Variants in SIRT3 observed in about 807,000 individuals in gnomAD.
SIRT3 encodes NAD-dependent protein deacetylase sirtuin-3, mitochondrial.
A neutral mutation model predicts 33.5 loss-of-function variants in SIRT3; 26 were observed. That is an observed-to-expected ratio of 0.78 (90% CI 0.57 to 1.08). The LOEUF is 1.08. SIRT3 is among the 50% of genes least tolerant of loss of function. SIRT3 has a pLI of 0.00. For missense variants in SIRT3, 585 were observed against 530.1 expected (o/e 1.10, Z -1.02); for synonymous variants, 237 against 222.1 (o/e 1.07, Z -0.60).
intron 4 of SIRT3, among the ~76,000 whole-genome samples, chr11:228,762 T>C (rs1857501270): frequency 6.7e-6 from 1 of 150,308 alleles, no homozygotes; most frequent in East Asian, 1.9e-4. Context: ...TCAAAACTTC[T>C]ATGCATCAAA....
chr11:236,008 C>T (rs745647025), intron 1 of SIRT3, 40 bp downstream of exon 1: 16 of 1,427,608 alleles, frequency 1.1e-5, no homozygotes, highest in Non-Finnish European at 1.3e-5. Context: ...GAGGTGTCGA[C>T]AACGAACACG....
intron 4 of SIRT3, 49 bp downstream of exon 4, chr11:230,403 C>A: frequency 8.9e-7 from 1 of 1,129,784 alleles, no homozygotes; most frequent in South Asian, 2.4e-5. Flanking sequence ...TTTTCCAGAT[C>A]ACCCCAACAG....
intron 4 of SIRT3, among the ~76,000 whole-genome samples, 186 bp from the exon 5 acceptor site, chr11:224,425 G>A (rs193267309): frequency 2.6e-5 from 4 of 152,314 alleles, no homozygotes; most frequent in Admixed American, 1.3e-4. Context: ...ACAGCCCTCC[G>A]GAATCTGGGA....
chr11:229,471 A>G (rs949903475), intron 4 of SIRT3, among the ~76,000 whole-genome samples: 1 of 151,556 alleles, frequency 6.6e-6, no homozygotes, highest in South Asian at 2.1e-4. Flanking sequence ...AAAGTTAAAC[A>G]TGGGCAGGGC....
intron 4 of SIRT3, among the ~76,000 whole-genome samples, chr11:226,336 C>T (rs1412966596): frequency 1.3e-5 from 2 of 152,094 alleles, no homozygotes; most frequent in Admixed American, 1.3e-4. Flanking sequence ...ACTCAAGCTT[C>T]CAAGGTTTCT....
At chr11:233,242 G>C in intron 2 of SIRT3, 27 bp from the exon 3 acceptor site, 1 of 1,608,350 alleles carries the variant, frequency 6.2e-7, no homozygotes, top group Non-Finnish European at 8.5e-7. Flanking sequence ...AAGGCTCTGA[G>C]GCCTTTGGAA....
At chr11:236,380 G>GCCCGCGGCGCCCCT, upstream of SIRT3, 2 of 1,046,198 alleles carry the variant, frequency 1.9e-6, no homozygotes, top group Non-Finnish European at 2.3e-6. Flanking sequence ...CCGGCGCCCC[G>GCCCGCGGCGCCCCT]GCCCCGCCTC....
rs1208852577 is a variant in SIRT3, at chr11:215,927, G to C, written c.*771C>G. ...GCGTAGTGTGGGGACAAGGAGGCCA[G>C]ATAGAAAGTGCTGGAATGTTCTGGA... is the stretch of plus-strand genomic sequence containing the variant. On this transcript the variant is annotated 3_prime_UTR_variant, in exon 7 of 7. Transcript: ENST00000382743. 6.6e-6 allele frequency: 1 copy of C among 152,356 alleles called. No homozygotes were observed. The highest frequency in any genetic ancestry group is 6.5e-5 in the Admixed American group (1 of 15,276). The allele number at this position is 152,356 out of a possible 1,614,324, so 9.4% of individuals were successfully genotyped here.
At chr11:235,975 C>A in intron 1 of SIRT3, 73 bp downstream of exon 1, 1 of 1,393,544 alleles carries the variant, frequency 7.2e-7, no homozygotes. Context: ...AAAGGAAACA[C>A]GGCAAGGTGA....
intron 1 of SIRT3, chr11:233,775 C>T: frequency 2.0e-6 from 1 of 492,890 alleles, no homozygotes; most frequent in East Asian, 3.5e-5. Flanking sequence ...GGGAACTGTG[C>T]TCATTTCATA....
At chr11:234,832 A>G (rs2133953222) in intron 1 of SIRT3, among the ~76,000 whole-genome samples, 1 of 152,242 alleles carries the variant, frequency 6.6e-6, no homozygotes, top group South Asian at 2.1e-4. Flanking sequence ...CTGGCACAGA[A>G]TAAGAGCTCA....
At chr11:236,357 A>T (rs202236224), upstream of SIRT3, 91 of 1,173,914 alleles carry the variant, frequency 7.8e-5, no homozygotes, top group Non-Finnish European at 9.2e-5. Context: ...AGTCCTCCGG[A>T]CTCGCCCCGC....
chr11:232,985 C>T lies in SIRT3; in HGVS notation c.704G>A (p.Arg235Lys), dbSNP rs200625315. The change falls in exon 3 of 7, where the codon AGA (arginine) becomes AAA (lysine). Residue 235 changes from arginine (R) to lysine (K), a missense_variant and splice_region_variant. By Grantham distance (26) the Arg-to-Lys change is conservative. Transcript: ENST00000382743. ...TGTGCGACTCACAGAGGGCTCACCT[C>T]TCTCAAGCCCATCGATGTTCTGCGT... Reference protein sequence around the residue: ...LYTQNIDGLERVSGIPASKLV... With the variant: ...LYTQNIDGLEKVSGIPASKLV... 93 of 1,613,968 alleles carry T rather than the reference C, an allele frequency of 5.8e-5. No homozygotes were observed. In the East Asian group the frequency reaches 2.0e-3, roughly 36 times the overall value.
intron 3 of SIRT3, among the ~76,000 whole-genome samples, chr11:231,016 C>T (rs1183244542): frequency 1.3e-5 from 2 of 150,682 alleles, no homozygotes; most frequent in Non-Finnish European, 2.9e-5. Context: ...GCCAGCTACT[C>T]GGGGAGGCTG....
intron 4 of SIRT3, among the ~76,000 whole-genome samples, chr11:224,891 T>C (rs1856948351): frequency 5.9e-5 from 9 of 151,954 alleles, no homozygotes; most frequent in Admixed American, 5.9e-4. Context: ...CCTGACTTTC[T>C]AAGGTAAACC....
upstream of SIRT3, chr11:236,585 G>A (rs536619294): frequency 6.8e-5 from 11 of 161,450 alleles, no homozygotes; most frequent in South Asian, 2.4e-4. Context: ...GTCAAACCTG[G>A]AGCCAGCATT....
At position 223,028 on chromosome 11, in the gene SIRT3, C is replaced by T. The variant is rs1044535527; in HGVS notation, c.969+1050G>A. On this transcript the variant is annotated intron_variant, in intron 5 of 6. Transcript: ENST00000382743. The surrounding 1 kb of genome is among the most constrained non-coding windows in gnomAD (Gnocchi z 4.8). ...ATGTCCAAAGCACTGGAGCAGGGCC[C>T]AGCACACAATGAATGCCTGAACAAA... is the stretch of plus-strand genomic sequence containing the variant. 5 of 152,704 alleles carry T rather than the reference C, an allele frequency of 3.3e-5. No homozygotes were observed. The highest frequency in any genetic ancestry group is 1.2e-4 in the African/African-American group (5 of 41,426). 9.5% of individuals were successfully genotyped at this position (152,704 alleles called of 1,614,324 possible). A position where few individuals can be genotyped will look rare whatever the true frequency, so the allele number is the denominator to read the frequency against.
intron 5 of SIRT3, among the ~76,000 whole-genome samples, chr11:221,434 T>C (rs574602140): frequency 1.3e-5 from 2 of 152,324 alleles, no homozygotes; most frequent in South Asian, 2.1e-4. Context: ...AATGTAAAAA[T>C]TATATACTAT....
upstream of SIRT3, chr11:236,912 GC>G: frequency 1.4e-6 from 1 of 717,412 alleles, no homozygotes; most frequent in East Asian, 2.8e-5. Context: ...AACCAGCGGG[GC>G]CCGCCCCCGG....
Sources: allele counts gnomAD v4.1 joint callset (sites outside exome capture counted in the v4.1 genomes callset), GRCh38; gene constraint gnomAD v4.1.1; non-coding constraint Gnocchi (gnomAD v3.1); transcripts MANE v1.5; gene names NCBI Gene and HGNC (gene_info 2026-07-23, HGNC 2026-07-21).